Variants in CD109 observed in about 807,000 individuals in gnomAD.
CD109 encodes CD109 molecule.
Under a neutral mutation model 165.8 loss-of-function variants are expected in CD109, and 149 were observed. The observed-to-expected ratio is 0.90, with a 90% CI of 0.79 to 1.03. The LOEUF is 1.03. CD109 is among the 50% of genes least tolerant of loss of function. The pLI is 0.00. For synonymous variants in CD109, 585 were observed against 592.1 expected (o/e 0.99, Z 0.18); for missense variants, 1,712 against 1,677.8 (o/e 1.02, Z -0.36).
In CD109 at chr6:73,811,112, GAC is replaced by G. The variant is rs1431635443; in HGVS notation, c.3675_3676del (p.His1225GlnfsTer19). 4 of 1,613,294 alleles carry G rather than the reference GAC, an allele frequency of 2.5e-6. No homozygotes were observed. The Middle Eastern group carries it at 5.0e-4, about 200-fold the overall frequency. On this transcript the variant is annotated frameshift_variant, in exon 28 of 33. Coordinates refer to ENST00000287097, the MANE Select transcript of CD109 (RefSeq NM_133493.5). LOFTEE classifies it high-confidence loss of function. ...ACCAAGTCCTGTAAAGTTTCTGATTGACACACACAACCGCTTACTCCTTCAGA... is the reference window on the plus strand; with the variant it reads ...ACCAAGTCCTGTAAAGTTTCTGATTGACACACAACCGCTTACTCCTTCAGA... ...SSPSPVKFLI[D>X]THNRLLLQTA...
intron 7 of CD109, 21 bp from the exon 8 acceptor site, chr6:73,762,363 A>G (rs767865919): frequency 7.1e-7 from 1 of 1,414,880 alleles, no homozygotes; most frequent in African/African-American, 1.4e-5. Flanking sequence ...ACATAAAAAG[A>G]CTATGTTTAT....
At chr6:73,720,228 T>G (rs1031236110) in intron 2 of CD109, among the ~76,000 whole-genome samples, 2 of 152,108 alleles carry the variant, frequency 1.3e-5, no homozygotes, top group African/African-American at 2.4e-5. Context: ...TGGATGAACT[T>G]GGAGGACATT....
intron 2 of CD109, among the ~76,000 whole-genome samples, chr6:73,701,927 A>C (rs1771097169): frequency 1.3e-5 from 2 of 152,296 alleles, no homozygotes; most frequent in South Asian, 4.1e-4. Flanking sequence ...AAACAAAAAC[A>C]AAAGAACCCT....
chr6:73,795,036 A>G (rs1775106520), intron 23 of CD109, among the ~76,000 whole-genome samples: 1 of 151,124 alleles, frequency 6.6e-6, no homozygotes, highest in Admixed American at 6.6e-5. Flanking sequence ...GGCTGTAATT[A>G]AGGAGATAAG....
intron 21 of CD109, 47 bp downstream of exon 21, chr6:73,787,499 A>C: frequency 6.8e-7 from 1 of 1,461,428 alleles, no homozygotes; most frequent in Non-Finnish European, 9.4e-7. Context: ...TACGTAATTA[A>C]AAAGGAAGCA....
intron 15 of CD109, among the ~76,000 whole-genome samples, chr6:73,774,446 A>G (rs111491802): frequency 2.3e-4 from 35 of 152,318 alleles, no homozygotes; most frequent in African/African-American, 8.4e-4. Flanking sequence ...GAGCACCAGT[A>G]AGAGAAGGTC....
chr6:73,787,713 G>A (rs549467643), intron 21 of CD109, among the ~76,000 whole-genome samples: 1 of 152,222 alleles, frequency 6.6e-6, no homozygotes, highest in South Asian at 2.1e-4. Flanking sequence ...TACAGACTGT[G>A]TTACGTTGGG....
intron 5 of CD109, among the ~76,000 whole-genome samples, chr6:73,745,805 T>C (rs1013467195): frequency 2.0e-5 from 3 of 152,212 alleles, no homozygotes; most frequent in Non-Finnish European, 4.4e-5. Context: ...CTTGGCTTAC[T>C]GTAACCTCCG....
intron 19 of CD109, among the ~76,000 whole-genome samples, chr6:73,784,227 A>G (rs978937308): frequency 2.6e-5 from 4 of 152,224 alleles, no homozygotes; most frequent in African/African-American, 9.6e-5. Context: ...CTTTTGGTCA[A>G]ATTGCATCAT....
At position 73,697,424 on chromosome 6, in the gene CD109, A is replaced by G; in HGVS notation, c.99A>G (p.Pro33=). Residue 33 remains proline, a synonymous_variant, in exon 2 of 33, where the codon CCA becomes CCG. Coordinates refer to ENST00000287097, the MANE Select transcript of CD109 (RefSeq NM_133493.5). ...GGCCTCGGTTTCTGGTGACAGCCCC[A>G]GGGATCATCAGGCCCGGAGGAAATG... ...APGPRFLVTA[P]GIIRPGGNVT... 6.2e-7 allele frequency: 1 copy of G among 1,614,140 alleles called. No individual in the cohort carries two copies. The highest frequency in any genetic ancestry group is 1.3e-5 in the African/African-American group (1 of 75,054).
At chr6:73,720,377 TG>T (rs1771904417) in intron 2 of CD109, among the ~76,000 whole-genome samples, 1 of 152,174 alleles carries the variant, frequency 6.6e-6, no homozygotes, top group Non-Finnish European at 1.5e-5. Flanking sequence ...GGGGAGATGT[TG>T]GTCAATAGAC....
intron 5 of CD109, among the ~76,000 whole-genome samples, chr6:73,744,776 CTG>C (rs1772915488): frequency 1.3e-5 from 2 of 152,198 alleles, no homozygotes; most frequent in Non-Finnish European, 2.9e-5. Context: ...AATGTGTCTT[CTG>C]TACCCCTCTC....
At chr6:73,785,213 A>G (rs540961737) in intron 19 of CD109, 151 bp from the exon 20 acceptor site, 2 of 618,418 alleles carry the variant, frequency 3.2e-6, no homozygotes, top group South Asian at 1.9e-5. Context: ...TTCATTTGTG[A>G]TAAGTTGCTG....
chr6:73,704,179 C>CAAA (rs58505053), intron 2 of CD109, among the ~76,000 whole-genome samples: 2 of 79,254 alleles, frequency 2.5e-5, no homozygotes, highest in African/African-American at 4.3e-5. Context: ...GACTCCATCT[C>CAAA]AAAAAAAAAA....
At chr6:73,767,810 C>T (rs1162225044) in intron 13 of CD109, among the ~76,000 whole-genome samples, 1 of 152,154 alleles carries the variant, frequency 6.6e-6, no homozygotes, top group Non-Finnish European at 1.5e-5. Context: ...TCCTTGCAAT[C>T]AAAAATAGAT....
At chr6:73,791,190 T>TATATATATATATATCTAC (rs1352766740) in intron 22 of CD109, among the ~76,000 whole-genome samples, 1 of 13,528 alleles carries the variant, frequency 7.4e-5, no homozygotes, top group Non-Finnish European at 1.5e-4. Context: ...CACACACACA[T>TATATATATATATATCTAC]ACATATATAT....
chr6:73,701,062 A>C (rs145208317), intron 2 of CD109, among the ~76,000 whole-genome samples: 5,142 of 150,556 alleles, frequency 0.034, 142 homozygotes, highest in East Asian at 0.13. Context: ...CGGCCTCCCA[A>C]AGTGCTAGGA....
chr6:73,823,705 A>G lies in CD109; in HGVS notation c.*72A>G. On this transcript the variant is annotated 3_prime_UTR_variant, in exon 33 of 33. Coordinates refer to ENST00000287097, the MANE Select transcript of CD109 (RefSeq NM_133493.5). ...CATGTGATTGTTTTGTTTTCGTAGAAGAATACTGCTTCTATTTTGAAAAAA... is the reference window on the plus strand; with the variant it reads ...CATGTGATTGTTTTGTTTTCGTAGAGGAATACTGCTTCTATTTTGAAAAAA... 7.3e-7 allele frequency: 1 copy of G among 1,375,096 alleles called. No homozygotes were observed. The highest frequency in any genetic ancestry group is 2.1e-5 in the Admixed American group (1 of 46,858). The allele number at this position is 1,375,096 out of a possible 1,614,324, so 85.2% of individuals were successfully genotyped here.
intron 22 of CD109, among the ~76,000 whole-genome samples, chr6:73,791,904 T>A (rs1421053686): frequency 6.6e-6 from 1 of 152,222 alleles, no homozygotes; most frequent in East Asian, 1.9e-4. Flanking sequence ...TGGCTTGGTA[T>A]AAGTTTTCAA....
Sources: gnomAD v4.1 joint callset for allele counts (sites outside exome capture counted in the v4.1 genomes callset) on GRCh38, gnomAD v4.1.1 for gene constraint, MANE v1.5 for transcripts, NCBI Gene and HGNC (gene_info 2026-07-23, HGNC 2026-07-21) for gene names.